Variants in CACYBP observed in about 807,000 individuals in gnomAD.
The protein encoded by CACYBP is calcyclin-binding protein.
In CACYBP, 11 loss-of-function variants were observed where a neutral mutation model predicts 29.6. That is an observed-to-expected ratio of 0.37 (90% CI 0.23 to 0.61). The LOEUF (loss-of-function observed/expected upper bound fraction) is 0.61. Ranked by LOEUF, CACYBP falls within the 20% of genes least tolerant of loss-of-function variation. CACYBP has a pLI of 0.65. For missense variants in CACYBP, 163 were observed against 260.7 expected (o/e 0.63, Z 2.58); for synonymous variants, 73 against 88.3 (o/e 0.83, Z 0.97).
At chr1:175,001,612 TAGCACTA>T (rs1672490278) in intron 1 of CACYBP, among the ~76,000 whole-genome samples, 1 of 152,228 alleles carries the variant, frequency 6.6e-6, no homozygotes, top group Non-Finnish European at 1.5e-5. Flanking sequence ...TCCTTCAACT[TAGCACTA>T]ACATTTTCAA....
At chr1:175,001,959 C>T (rs937379340) in intron 1 of CACYBP, among the ~76,000 whole-genome samples, 4 of 152,202 alleles carry the variant, frequency 2.6e-5, no homozygotes, top group Non-Finnish European at 2.9e-5. Context: ...CCAGGCTGGT[C>T]TCGAACTCCT....
chr1:175,009,973 T>C lies in CACYBP; in HGVS notation c.581T>C (p.Val194Ala). 1 of 1,613,454 alleles carries C rather than the reference T, an allele frequency of 6.2e-7. No homozygotes were observed. The highest frequency in any genetic ancestry group is 8.5e-7 in the Non-Finnish European group (1 of 1,179,450). The change falls in exon 6 of 6, where the codon GTT becomes GCT. Residue 194 changes from valine (V) to alanine (A), a missense_variant. Val to Ala is a moderately conservative substitution (Grantham distance 64). Transcript: ENST00000367679. ...ETDPSEGLMNVLKKIYEDGDD... is the reference protein window; with the variant it reads ...ETDPSEGLMNALKKIYEDGDD... ...GATCCTAGTGAGGGATTGATGAATGTTCTAAAGAAAATTTATGAAGATGGA... is the reference window on the plus strand; with the variant it reads ...GATCCTAGTGAGGGATTGATGAATGCTCTAAAGAAAATTTATGAAGATGGA...
Position 175,010,377 on chromosome 1 carries a change from T to C in CACYBP, c.*298T>C, listed in dbSNP as rs1051275678. 1 of 191,506 alleles carries C rather than the reference T, an allele frequency of 5.2e-6. No homozygotes were observed. The highest frequency in any genetic ancestry group is 2.3e-5 in the African/African-American group (1 of 43,016). 11.9% of individuals were successfully genotyped at this position (191,506 alleles called of 1,614,324 possible). A position where few individuals can be genotyped will look rare whatever the true frequency, so the allele number is the denominator to read the frequency against. On this transcript the variant is annotated 3_prime_UTR_variant, in exon 6 of 6. Coordinates refer to ENST00000367679, the MANE Select transcript of CACYBP (RefSeq NM_014412.3). Reference sequence around the variant, plus strand: ...GTCTTGCCCAATAAAAACGCTACATTGTGTGTATTTTTTGTTCAGCTAAGA... The same window carrying C: ...GTCTTGCCCAATAAAAACGCTACATCGTGTGTATTTTTTGTTCAGCTAAGA...
At chr1:175,008,103 T>C (rs190886665) in intron 4 of CACYBP, among the ~76,000 whole-genome samples, 28 of 152,272 alleles carry the variant, frequency 1.8e-4, no homozygotes, top group African/African-American at 6.7e-4. Flanking sequence ...ATTGCCCTTC[T>C]TTCTCACTTT....
intron 2 of CACYBP, among the ~76,000 whole-genome samples, chr1:175,005,803 G>A (rs7550448): frequency 0.17 from 25,718 of 152,076 alleles, 2,570 homozygotes; most frequent in Non-Finnish European, 0.23. Context: ...TTGTCAATCC[G>A]GAGGATGGAC....
intron 5 of CACYBP, 44 bp from the exon 6 acceptor site, chr1:175,009,879 G>A (rs760383611): frequency 4.6e-6 from 7 of 1,510,892 alleles, no homozygotes; most frequent in African/African-American, 2.8e-5. Flanking sequence ...AGTATCTTCC[G>A]GTGCTTTCGT....
chr1:175,008,629 T>A lies in CACYBP; in HGVS notation c.453T>A (p.Leu151=), dbSNP rs772433099. The change falls in exon 5 of 6, where the codon CTT becomes CTA. Residue 151 remains leucine, a synonymous_variant. Transcript: ENST00000367679. The part of the protein sequence containing the change: ...SSKKVKTDTV[L]ILCRKKVENT... ...TCCAGGTCAAGACTGATACAGTTCT[T>A]ATATTGTGTAGAAAGAAAGTGGAAA... 6.4e-7 allele frequency: 1 copy of A among 1,563,078 alleles called. No homozygotes were observed. Among genetic ancestry groups the A allele is most frequent in the Non-Finnish European group, 8.8e-7 (1 of 1,133,872 alleles).
intron 2 of CACYBP, among the ~76,000 whole-genome samples, chr1:175,005,882 C>A (rs1472029939): frequency 6.6e-6 from 1 of 152,004 alleles, no homozygotes; most frequent in Non-Finnish European, 1.5e-5. Flanking sequence ...TTTTCATCAA[C>A]ACTGTTTCTT....
chr1:175,005,884 CTG>C (rs1194400714), intron 2 of CACYBP, among the ~76,000 whole-genome samples: 2 of 151,932 alleles, frequency 1.3e-5, no homozygotes, highest in African/African-American at 4.8e-5. Context: ...TTCATCAACA[CTG>C]TTTCTTTTTA....
In CACYBP at chr1:175,002,609, T is replaced by C. The variant is rs915131890; in HGVS notation, c.16-2005T>C. On this transcript the variant is annotated intron_variant, in intron 1 of 5. Transcript: ENST00000367679. ...CAAGAAGGCAAGGAAAATTACATGA[T>C]AAATTAGATAGGAAACTAGGACATC... 2.0e-5 allele frequency among the ~76,000 whole-genome samples: 3 copies of C among 152,184 alleles called. No homozygotes were observed. In the South Asian group the frequency reaches 6.2e-4, roughly 31 times the overall value.
Position 175,006,859 on chromosome 1 carries a change from T to C in CACYBP, c.332+18T>C, listed in dbSNP as rs1422071032. 1.5e-6 allele frequency: 2 copies of C among 1,343,754 alleles called. No homozygotes were observed. Among genetic ancestry groups the C allele is most frequent in the South Asian group, 1.2e-5 (1 of 85,044 alleles). The allele number at this position is 1,343,754 out of a possible 1,614,324, so 83.2% of individuals were successfully genotyped here. A position where few individuals can be genotyped will look rare whatever the true frequency, so the allele number is the denominator to read the frequency against. ...ACAGAGAGGTGAGTTCTCATTATAATGGGAAAGACAGTGAATTAACAGTCA... is the reference window on the plus strand; with the variant it reads ...ACAGAGAGGTGAGTTCTCATTATAACGGGAAAGACAGTGAATTAACAGTCA... On this transcript the variant is annotated intron_variant, in intron 3 of 5. Coordinates refer to ENST00000367679, the MANE Select transcript of CACYBP (RefSeq NM_014412.3).
In CACYBP at chr1:175,000,325, C is replaced by A. The variant is rs1028339136; in HGVS notation, c.15+130C>A. 6.3e-5 allele frequency: 93 copies of A among 1,476,670 alleles called. No homozygotes were observed. The African/African-American group carries it at 1.1e-3, about 17-fold the overall frequency. 91.5% of individuals were successfully genotyped at this position (1,476,670 alleles called of 1,614,324 possible). A position where few individuals can be genotyped will look rare whatever the true frequency, so the allele number is the denominator to read the frequency against. ...CGGTCCCGCGCCAGTCAGTGCGCCGCCTTCCCGGGGGACACCTCACTCGCC... is the reference window on the plus strand; with the variant it reads ...CGGTCCCGCGCCAGTCAGTGCGCCGACTTCCCGGGGGACACCTCACTCGCC... On this transcript the variant is annotated intron_variant, in intron 1 of 5. Transcript: ENST00000367679.
At chr1:175,003,802 T>C (rs751105284) in intron 1 of CACYBP, among the ~76,000 whole-genome samples, 23 of 152,244 alleles carry the variant, frequency 1.5e-4, no homozygotes, top group Non-Finnish European at 3.1e-4. Context: ...TTTTCTAACA[T>C]TGTCTTTAAC....
At chr1:175,009,831 T>C (rs928050026) in intron 5 of CACYBP, 92 bp from the exon 6 acceptor site, 33 of 925,454 alleles carry the variant, frequency 3.6e-5, no homozygotes, top group Non-Finnish European at 4.3e-5. Flanking sequence ...TTCCTTCTTA[T>C]CCCTCTACTT....
intron 2 of CACYBP, 45 bp downstream of exon 2, chr1:175,004,878 A>G (rs749102618): frequency 9.8e-6 from 12 of 1,225,118 alleles, no homozygotes; most frequent in Middle Eastern, 1.9e-4. Context: ...CGAGCAACCT[A>G]TTCCTCATAG....
chr1:175,004,363 A>G lies in CACYBP; in HGVS notation c.16-251A>G, dbSNP rs955783923. ...AATATTTTAAAACATAAACTGGAAA[A>G]TTTAGGTTTGAAGACCTATTTATTG... On this transcript the variant is annotated intron_variant, in intron 1 of 5. Coordinates refer to ENST00000367679, the MANE Select transcript of CACYBP (RefSeq NM_014412.3). Among the ~76,000 whole-genome samples, 40 of 152,224 alleles carry G rather than the reference A, an allele frequency of 2.6e-4. 2 individuals are homozygous for G. The highest frequency in any genetic ancestry group is 1.3e-4 in the Non-Finnish European group (9 of 68,040).
At chr1:175,006,717 A>C in intron 2 of CACYBP, 28 bp from the exon 3 acceptor site, 1 of 1,164,770 alleles carries the variant, frequency 8.6e-7, no homozygotes, top group Non-Finnish European at 1.3e-6. Context: ...AGGCTTACTT[A>C]CGTCCCATCT....
Position 175,004,701 on chromosome 1 carries a change from A to G in CACYBP, c.103A>G (p.Lys35Glu). 6.2e-7 allele frequency: 1 copy of G among 1,614,022 alleles called. No homozygotes were observed. The highest frequency in any genetic ancestry group is 1.1e-5 in the South Asian group (1 of 91,074). Residue 35 changes from lysine to glutamate, a missense_variant, in exon 2 of 6, where the codon AAG becomes GAG. Transcript: ENST00000367679. ...TGATGCCCTTACAGCTGAAAAATCC[A>G]AGATTGAGACAGAAATCAAGAACAA... ...VRDALTAEKS[K>E]IETEIKNKMQ...
In CACYBP at chr1:175,000,115, G is replaced by C. The variant is rs960909161; in HGVS notation, c.-66G>C. 7.7e-6 allele frequency: 12 copies of C among 1,563,580 alleles called. No homozygotes were observed. In the Admixed American group the frequency reaches 1.9e-4, roughly 24 times the overall value. On this transcript the variant is annotated 5_prime_UTR_variant, in exon 1 of 6. Coordinates refer to ENST00000367679, the MANE Select transcript of CACYBP (RefSeq NM_014412.3). ...CGTCTGCGCTCGGTTTGAGGGCTCG[G>C]CGCGGGGTTTCCTGTTCCTCCTTCT...
Sources: gnomAD v4.1 joint callset for allele counts (sites outside exome capture counted in the v4.1 genomes callset) on GRCh38, gnomAD v4.1.1 for gene constraint, MANE v1.5 for transcripts, NCBI Gene and HGNC (gene_info 2026-07-23, HGNC 2026-07-21) for gene names.